Variants in CCDC7 observed in about 807,000 individuals in gnomAD.
CCDC7 encodes the protein coiled-coil domain containing 7.
A neutral mutation model predicts 196.9 loss-of-function variants in CCDC7; 183 were observed. That is an observed-to-expected ratio of 0.93 (90% CI 0.82 to 1.05). The LOEUF (loss-of-function observed/expected upper bound fraction) is 1.05, where lower values mean the gene tolerates loss of function less well. CCDC7 is among the 50% of genes least tolerant of loss of function. CCDC7 has a pLI of 0.00. For synonymous variants in CCDC7, 525 were observed against 484.6 expected (o/e 1.08, Z -1.10); for missense variants, 1,540 against 1,482.2 (o/e 1.04, Z -0.64).
chr10:32,612,329 T>C (rs1413302390), intron 18 of CCDC7, among the ~76,000 whole-genome samples: 1 of 143,240 alleles, frequency 7.0e-6, no homozygotes, highest in Non-Finnish European at 1.5e-5. Flanking sequence ...GCTGAGACAA[T>C]GGGGTTTTCT....
At chr10:32,868,648 A>ATG (rs1270333670) in intron 41 of CCDC7, among the ~76,000 whole-genome samples, 1 of 151,932 alleles carries the variant, frequency 6.6e-6, no homozygotes, top group Non-Finnish European at 1.5e-5. Context: ...TCCATGTGCC[A>ATG]TGTTGGTGTG....
At chr10:32,465,352 T>A (rs2036551389) in intron 5 of CCDC7, among the ~76,000 whole-genome samples, 1 of 152,116 alleles carries the variant, frequency 6.6e-6, no homozygotes. Context: ...CATTTCTCAA[T>A]CTATCCAGAC....
chr10:32,828,485 G>GGAAGAGGAA (rs2091618916), intron 32 of CCDC7, among the ~76,000 whole-genome samples: 69 of 49,730 alleles, frequency 1.4e-3, no homozygotes, highest in Middle Eastern at 0.01. Flanking sequence ...AAGAGGAAGA[G>GGAAGAGGAA]GAAGAAGAAG....
chr10:32,644,252 T>C (rs1348353749), intron 20 of CCDC7, among the ~76,000 whole-genome samples: 1 of 152,174 alleles, frequency 6.6e-6, no homozygotes, highest in Non-Finnish European at 1.5e-5. Flanking sequence ...ACTACAATGT[T>C]ATTTGCTGTA....
chr10:32,809,821 A>G lies in CCDC7; in HGVS notation c.3098-4549A>G, dbSNP rs992162474. 3.9e-5 allele frequency among the ~76,000 whole-genome samples: 6 copies of G among 152,208 alleles called. No homozygotes were observed. In the South Asian group the frequency reaches 8.3e-4, roughly 21 times the overall value. On this transcript the variant is annotated intron_variant, in intron 30 of 41. Transcript: ENST00000639629. The stretch of plus-strand genomic sequence containing the variant: ...CAACCATTGTGGAAGTCAGTGTGGC[A>G]ATTCCTCAGGGATCTAGAACTAGAA...
chr10:32,805,487 T>G (rs1451124076), intron 30 of CCDC7, among the ~76,000 whole-genome samples: 1 of 152,224 alleles, frequency 6.6e-6, no homozygotes, highest in Non-Finnish European at 1.5e-5. Flanking sequence ...GACAGTTGTT[T>G]TATTCTTACA....
At chr10:32,730,937 T>C (rs1435028855) in intron 28 of CCDC7, among the ~76,000 whole-genome samples, 1 of 152,142 alleles carries the variant, frequency 6.6e-6, no homozygotes, top group Non-Finnish European at 1.5e-5. Context: ...ATATGTATTC[T>C]GCTACAATGT....
At chr10:32,820,100 G>T (rs9732939) in intron 31 of CCDC7, among the ~76,000 whole-genome samples, 21,926 of 152,136 alleles carry the variant, frequency 0.14, 1,933 homozygotes, top group African/African-American at 0.25. Context: ...CTTAAGCTGA[G>T]AGGCAACTTC....
chr10:32,764,445 AATTT>A (rs2077952041), intron 28 of CCDC7, among the ~76,000 whole-genome samples: 1 of 137,070 alleles, frequency 7.3e-6, no homozygotes, highest in Non-Finnish European at 1.6e-5. Flanking sequence ...GATATGGTAT[AATTT>A]ATTTATCACT....
intron 41 of CCDC7, among the ~76,000 whole-genome samples, chr10:32,873,534 T>C (rs2094502480): frequency 6.6e-6 from 1 of 152,020 alleles, no homozygotes; most frequent in African/African-American, 2.4e-5. Flanking sequence ...TTCTCTCAAC[T>C]CGTCAAAGTC....
intron 2 of CCDC7, among the ~76,000 whole-genome samples, chr10:32,454,623 A>G (rs185382172): frequency 6.6e-6 from 1 of 152,258 alleles, no homozygotes; most frequent in Non-Finnish European, 1.5e-5. Context: ...AATTAAGTTC[A>G]CTTTCCTGTG....
chr10:32,847,419 C>T (rs939441760), intron 37 of CCDC7, among the ~76,000 whole-genome samples: 1 of 152,088 alleles, frequency 6.6e-6, no homozygotes, highest in Non-Finnish European at 1.5e-5. Flanking sequence ...CCAACGAAAC[C>T]TCAAAGCACT....
At chr10:32,517,966 G>A (rs759861881) in exon 10 of CCDC7, 1 of 1,587,820 alleles carries the variant, frequency 6.3e-7, no homozygotes, top group Non-Finnish European at 8.6e-7. Flanking sequence ...ATCAAGTTTT[G>A]TTAGATGCTG....
At chr10:32,500,976 A>G (rs2043926045) in intron 9 of CCDC7, among the ~76,000 whole-genome samples, 2 of 152,186 alleles carry the variant, frequency 1.3e-5, no homozygotes, top group African/African-American at 2.4e-5. Context: ...GGGAGGTTGC[A>G]GTGAGTCGAG....
At chr10:32,701,608 G>T (rs1453322170) in intron 24 of CCDC7, among the ~76,000 whole-genome samples, 1 of 152,166 alleles carries the variant, frequency 6.6e-6, no homozygotes. Context: ...GCTCCTCTTT[G>T]TACCTCTGGT....
At chr10:32,851,923 C>T (rs1270013905) in exon 40 of CCDC7, 2 of 1,594,450 alleles carry the variant, frequency 1.3e-6, no homozygotes, top group Non-Finnish European at 1.7e-6. Context: ...ACTGAATCAA[C>T]TCCCTTCAGG....
chr10:32,637,558 C>A (rs1459316652), intron 20 of CCDC7, among the ~76,000 whole-genome samples: 1 of 152,148 alleles, frequency 6.6e-6, no homozygotes, highest in Non-Finnish European at 1.5e-5. Flanking sequence ...GGCATTATTT[C>A]TGAGGACTCT....
chr10:32,721,129 A>G (rs770166261), intron 25 of CCDC7, among the ~76,000 whole-genome samples: 8 of 152,108 alleles, frequency 5.3e-5, no homozygotes, highest in Non-Finnish European at 1.0e-4. Flanking sequence ...ACTGTGAACT[A>G]ATATGTAAAT....
intron 25 of CCDC7, among the ~76,000 whole-genome samples, chr10:32,723,823 T>C (rs1022247154): frequency 2.0e-5 from 3 of 152,086 alleles, no homozygotes; most frequent in Non-Finnish European, 4.4e-5. Context: ...CTACATTCTT[T>C]TCCATTTTAG....
Sources: allele counts gnomAD v4.1 joint callset (sites outside exome capture counted in the v4.1 genomes callset), GRCh38; gene constraint gnomAD v4.1.1; transcripts MANE v1.5; gene names NCBI Gene and HGNC (gene_info 2026-07-23, HGNC 2026-07-21).